CTNND2: variants seen among roughly 807,000 people sequenced by gnomAD.
CTNND2 encodes the protein catenin delta-2.
CTNND2 carries 22 observed loss-of-function variants against 144.4 expected under a neutral mutation model. The observed-to-expected ratio is 0.15, with a 90% CI of 0.11 to 0.22. The LOEUF (loss-of-function observed/expected upper bound fraction) is 0.22. Among genes scored for constraint, CTNND2 ranks in the 10% least tolerant of loss-of-function variants. CTNND2 has a pLI of 1.00. For missense variants in CTNND2, 1,353 were observed against 1,618.8 expected (o/e 0.84, Z 2.82); for synonymous variants, 751 against 695.6 (o/e 1.08, Z -1.25).
At chr5:11,612,973 CTTAAA>C (rs149401386) in intron 2 of CTNND2, among the ~76,000 whole-genome samples, 2,039 of 152,176 alleles carry the variant, frequency 0.013, 26 homozygotes, top group Middle Eastern at 0.034. Flanking sequence ...TTAACAATAG[CTTAAA>C]TTAATTTCCA....
chr5:11,581,687 T>C (rs1179654442), intron 2 of CTNND2, among the ~76,000 whole-genome samples: 3 of 152,200 alleles, frequency 2.0e-5, no homozygotes. Context: ...CATCTTTGGT[T>C]GACCCCCAAC....
At chr5:11,409,016 A>G (rs753224502) in intron 5 of CTNND2, among the ~76,000 whole-genome samples, 25 of 152,076 alleles carry the variant, frequency 1.6e-4, no homozygotes, top group Admixed American at 6.6e-4. Context: ...GATTTTCCCC[A>G]AATAAGTACA....
At chr5:11,799,664 G>T (rs570270687) in intron 1 of CTNND2, among the ~76,000 whole-genome samples, 1 of 151,944 alleles carries the variant, frequency 6.6e-6, no homozygotes, top group Admixed American at 6.6e-5. Flanking sequence ...TGTCCATATC[G>T]CTACTTGGAT....
chr5:11,781,753 A>G (rs548843282), intron 1 of CTNND2, among the ~76,000 whole-genome samples: 4 of 152,326 alleles, frequency 2.6e-5, no homozygotes, highest in Non-Finnish European at 4.4e-5. Flanking sequence ...GAACTTCTCC[A>G]CACTGAATTA....
At chr5:11,755,108 C>T (rs1788861443) in intron 1 of CTNND2, among the ~76,000 whole-genome samples, 2 of 151,844 alleles carry the variant, frequency 1.3e-5, no homozygotes, top group South Asian at 4.1e-4. Flanking sequence ...TTAGCACTCC[C>T]TTCAGGACCT....
At chr5:11,346,736 G>T (rs1315413030) in intron 8 of CTNND2, 109 bp from the exon 9 acceptor site, 1 of 1,026,706 alleles carries the variant, frequency 9.7e-7, no homozygotes, top group Non-Finnish European at 1.3e-6. Context: ...AAAATAGGGG[G>T]TTCAAAAGAA....
intron 9 of CTNND2, among the ~76,000 whole-genome samples, chr5:11,281,353 C>T (rs975535955): frequency 2.6e-5 from 4 of 152,160 alleles, no homozygotes; most frequent in Non-Finnish European, 5.9e-5. Context: ...CTTTTGGTGA[C>T]TAAAGCTGTT....
intron 1 of CTNND2, among the ~76,000 whole-genome samples, chr5:11,863,515 T>C (rs1451857127): frequency 6.6e-6 from 1 of 152,230 alleles, no homozygotes; most frequent in Non-Finnish European, 1.5e-5. Flanking sequence ...AATTCAATTA[T>C]TGTGATTATA....
chr5:11,765,491 G>C (rs1192010768), intron 1 of CTNND2, among the ~76,000 whole-genome samples: 1 of 152,174 alleles, frequency 6.6e-6, no homozygotes, highest in Non-Finnish European at 1.5e-5. Flanking sequence ...GCCAGACAAG[G>C]TCTGTGTCCA....
intron 9 of CTNND2, among the ~76,000 whole-genome samples, chr5:11,314,970 T>C (rs1751346286): frequency 6.6e-6 from 1 of 152,230 alleles, no homozygotes; most frequent in Non-Finnish European, 1.5e-5. Flanking sequence ...AGAAACATAC[T>C]ATACTAAAAA....
chr5:11,289,853 T>C (rs1410846267), intron 9 of CTNND2, among the ~76,000 whole-genome samples: 1 of 152,206 alleles, frequency 6.6e-6, no homozygotes, highest in Non-Finnish European at 1.5e-5. Context: ...GATCATTCTT[T>C]TTGGTTCCAA....
intron 1 of CTNND2, among the ~76,000 whole-genome samples, chr5:11,785,506 T>C (rs1790778573): frequency 6.6e-6 from 1 of 152,226 alleles, no homozygotes; most frequent in Admixed American, 6.5e-5. Context: ...ATGGATAATG[T>C]ATGTTCTATC....
At chr5:10,996,895 C>G (rs1349808064) in intron 18 of CTNND2, among the ~76,000 whole-genome samples, 1 of 152,048 alleles carries the variant, frequency 6.6e-6, no homozygotes, top group African/African-American at 2.4e-5. Flanking sequence ...CTGTGCCCGG[C>G]CAATTTTGCT....
chr5:11,437,554 G>C (rs1409305755), intron 3 of CTNND2, among the ~76,000 whole-genome samples: 1 of 152,204 alleles, frequency 6.6e-6, no homozygotes, highest in African/African-American at 2.4e-5. Flanking sequence ...TGAAGACTGA[G>C]GGGAGTAAAT....
intron 18 of CTNND2, among the ~76,000 whole-genome samples, chr5:11,002,707 C>G (rs1740081317): frequency 1.3e-5 from 2 of 152,156 alleles, no homozygotes; most frequent in Non-Finnish European, 2.9e-5. Context: ...TGGAAGACAA[C>G]TTTTAGAAAC....
At chr5:11,454,102 T>G (rs981752911) in intron 3 of CTNND2, among the ~76,000 whole-genome samples, 1 of 152,252 alleles carries the variant, frequency 6.6e-6, no homozygotes, top group Non-Finnish European at 1.5e-5. Flanking sequence ...ATAACACTTC[T>G]TAGATGACAT....
intron 3 of CTNND2, among the ~76,000 whole-genome samples, chr5:11,421,663 C>G (rs1346402447): frequency 6.6e-6 from 1 of 152,126 alleles, no homozygotes; most frequent in African/African-American, 2.4e-5. Context: ...GTGTCTGCAT[C>G]TAAGCAGCCA....
At chr5:11,886,100 A>T (rs1463756902) in intron 1 of CTNND2, among the ~76,000 whole-genome samples, 1 of 152,138 alleles carries the variant, frequency 6.6e-6, no homozygotes, top group African/African-American at 2.4e-5. Context: ...ATAACCTAAA[A>T]ATGCACCTCA....
chr5:11,087,509 A>G (rs767245754), intron 15 of CTNND2, among the ~76,000 whole-genome samples: 1 of 152,210 alleles, frequency 6.6e-6, no homozygotes, highest in Non-Finnish European at 1.5e-5. Flanking sequence ...TATTAGCACA[A>G]GGTCCTTCAA....
Sources: allele counts gnomAD v4.1 joint callset (sites outside exome capture counted in the v4.1 genomes callset), GRCh38; gene constraint gnomAD v4.1.1; transcripts MANE v1.5; gene names NCBI Gene and HGNC (gene_info 2026-07-23, HGNC 2026-07-21).